ATAD2B: variants seen among roughly 807,000 people sequenced by gnomAD.
The protein encoded by ATAD2B is ATPase family AAA domain containing 2B.
A neutral mutation model predicts 167.6 loss-of-function variants in ATAD2B; 40 were observed. The ratio of observed to expected loss-of-function variants is 0.24; its 90% CI spans 0.19 to 0.31. The LOEUF (loss-of-function observed/expected upper bound fraction) is 0.31. ATAD2B is among the 10% of genes least tolerant of loss of function. The pLI is 1.00. For synonymous variants in ATAD2B, 579 were observed against 596.5 expected, an observed-to-expected ratio of 0.97 and a Z score of 0.43; for missense variants, 1,242 against 1,757.2, an observed-to-expected ratio of 0.71 and a Z score of 5.24.
chr2:23,683,308 T>A, the ATAD2B span, among the ~76,000 whole-genome samples: 3 of 152,202 alleles, frequency 2.0e-5, no homozygotes, highest in Non-Finnish European at 4.4e-5. Context: ...GAAGACAGTC[T>A]AGGTCATTCT....
the ATAD2B span, among the ~76,000 whole-genome samples, chr2:23,704,246 G>T: frequency 6.6e-6 from 1 of 152,202 alleles, no homozygotes; most frequent in Non-Finnish European, 1.5e-5. Flanking sequence ...GTGACTTCTT[G>T]GGGGAATGCT....
At position 23,832,659 on chromosome 2, in the gene ATAD2B, T is replaced by C. The variant is rs78827995; in HGVS notation, c.1728+1260A>G. 8.8e-3 allele frequency: 1,355 copies of C among 154,258 alleles called. 7 individuals carry two copies. Among genetic ancestry groups the C allele is most frequent in the Non-Finnish European group, 0.015 (1,075 of 69,488 alleles). 9.6% of individuals were successfully genotyped at this position (154,258 alleles called of 1,614,324 possible). A position where few individuals can be genotyped will look rare whatever the true frequency, so the allele number is the denominator to read the frequency against. ...TAGACAGTGCTGTTCTAAACCTTGT[T>C]TACTGTTAAACCCTTGATTTGTGTG... On this transcript the variant is annotated intron_variant, in intron 14 of 27. Transcript: ENST00000238789.
chr2:23,742,444 C>T, the ATAD2B span, among the ~76,000 whole-genome samples: 2 of 151,022 alleles, frequency 1.3e-5, no homozygotes, highest in African/African-American at 2.4e-5. Context: ...CTCAGCAAAC[C>T]ATCGCAAGGA....
chr2:23,872,545 A>ACT, intron 8 of ATAD2B: 1 of 974,850 alleles, frequency 1.0e-6, no homozygotes, highest in Non-Finnish European at 1.6e-6. Context: ...AGTCCTTCAG[A>ACT]CTCTCACAGG....
intron 10 of ATAD2B, among the ~76,000 whole-genome samples, chr2:23,867,125 T>C (rs1157896756): frequency 6.6e-6 from 1 of 152,210 alleles, no homozygotes; most frequent in East Asian, 1.9e-4. Context: ...CTTCCACTTG[T>C]AGTATACCTC....
At chr2:23,752,542 A>C (rs1294505748) in intron 27 of ATAD2B, among the ~76,000 whole-genome samples, 1 of 151,496 alleles carries the variant, frequency 6.6e-6, no homozygotes, top group Non-Finnish European at 1.5e-5. Context: ...CATAACATTG[A>C]AGATTGAACA....
chr2:23,723,022 T>G, the ATAD2B span, among the ~76,000 whole-genome samples: 1 of 152,196 alleles, frequency 6.6e-6, no homozygotes, highest in Admixed American at 6.5e-5. Flanking sequence ...CCAGGTACAG[T>G]GGCTCACATC....
chr2:23,703,390 G>A, the ATAD2B span: 1 of 1,480,546 alleles, frequency 6.8e-7, no homozygotes, highest in South Asian at 1.4e-5. Flanking sequence ...GTGAGAACCA[G>A]CGGTGTCCTC....
intron 13 of ATAD2B, among the ~76,000 whole-genome samples, chr2:23,854,036 A>C (rs577512709): frequency 4.2e-4 from 64 of 152,224 alleles, no homozygotes; most frequent in African/African-American, 1.5e-3. Context: ...ACCTGAGGTC[A>C]GAAGTTCGAG....
At chr2:23,810,258 A>G (rs1572857259) in intron 18 of ATAD2B, 58 bp downstream of exon 18, 1 of 1,453,854 alleles carries the variant, frequency 6.9e-7, no homozygotes, top group Non-Finnish European at 9.5e-7. Context: ...CACTAGAAAT[A>G]CTACCAAATT....
At chr2:23,703,676 C>A in the ATAD2B span, 1 of 1,501,680 alleles carries the variant, frequency 6.7e-7, no homozygotes, top group South Asian at 1.3e-5. Flanking sequence ...GAGGGAAGTC[C>A]AAGACAAGCT....
Position 23,752,107 on chromosome 2 carries a change from G to C in ATAD2B, c.4336-20C>G. On this transcript the variant is annotated intron_variant, in intron 27 of 27. Coordinates refer to ENST00000238789, the MANE Select transcript of ATAD2B (RefSeq NM_017552.4). ...CATCTCCTATAAAAGGAAAAAAAATGCATGTTATCTATTAAGGGAAAGACA... is the reference window on the plus strand; with the variant it reads ...CATCTCCTATAAAAGGAAAAAAAATCCATGTTATCTATTAAGGGAAAGACA... 6.6e-7 allele frequency: 1 copy of C among 1,515,336 alleles called. No homozygotes were observed. 93.9% of individuals were successfully genotyped at this position (1,515,336 alleles called of 1,614,324 possible).
chr2:23,758,195 C>A, intron 24 of ATAD2B, 94 bp from the exon 25 acceptor site: 3 of 1,054,400 alleles, frequency 2.8e-6, no homozygotes, highest in Non-Finnish European at 4.0e-6. Flanking sequence ...AGAAAGTAAA[C>A]CCATGCTGAT....
chr2:23,696,671 G>A, the ATAD2B span: 16 of 587,142 alleles, frequency 2.7e-5, no homozygotes, highest in South Asian at 4.3e-5. This position sits in a 1 kb window ranked among gnomAD's most constrained non-coding sequence, Gnocchi z 5.5. Context: ...TCACAGCACC[G>A]GGGGCAGCAG....
chr2:23,689,531 C>CCTT, the ATAD2B span: 1 of 152,352 alleles, frequency 6.6e-6, no homozygotes, highest in Admixed American at 6.5e-5. Flanking sequence ...TGCATGTGCT[C>CCTT]GCACATCCTG....
Position 23,765,633 on chromosome 2 carries a change from TA to T in ATAD2B, c.3134-6del, listed in dbSNP as rs1234672492. ...CCCTGTGCCTAATTATTTTATCTGTTAAAAAAGTTGGTATATATTTATTATA... is the reference window on the plus strand; with the variant it reads ...CCCTGTGCCTAATTATTTTATCTGTTAAAAAGTTGGTATATATTTATTATA... On this transcript the variant is annotated splice_polypyrimidine_tract_variant and splice_region_variant and intron_variant, in intron 22 of 27. Coordinates refer to ENST00000238789, the MANE Select transcript of ATAD2B (RefSeq NM_017552.4). 1.5e-6 allele frequency: 2 copies of T among 1,375,572 alleles called. No individual in the cohort carries two copies. Among genetic ancestry groups the T allele is most frequent in the Non-Finnish European group, 1.9e-6 (2 of 1,051,018 alleles). 85.2% of individuals were successfully genotyped at this position (1,375,572 alleles called of 1,614,324 possible). A position where few individuals can be genotyped will look rare whatever the true frequency, so the allele number is the denominator to read the frequency against.
intron 1 of ATAD2B, among the ~76,000 whole-genome samples, chr2:23,899,385 C>T (rs866650528): frequency 1.1e-4 from 17 of 150,968 alleles, no homozygotes; most frequent in South Asian, 2.1e-4. Context: ...CAAATATGAG[C>T]ATGTATATAA....
chr2:23,823,390 C>T lies in ATAD2B; in HGVS notation c.1999G>A (p.Ala667Thr), dbSNP rs1307346015. 6.2e-7 allele frequency: 1 copy of T among 1,613,928 alleles called. No individual in the cohort carries two copies. Among genetic ancestry groups the T allele is most frequent in the Non-Finnish European group, 8.5e-7 (1 of 1,179,870 alleles). ...AGTGCATGCCCTGAAGACATCACAGCACGTTGGGAAGCAGGCACGATATTC... is the reference window on the plus strand; with the variant it reads ...AGTGCATGCCCTGAAGACATCACAGTACGTTGGGAAGCAGGCACGATATTC... ...MQNIVPASQR[A>T]VMSSGHALSP... Residue 667 changes from alanine to threonine, a missense_variant, in exon 16 of 28, where the codon GCT becomes ACT. By Grantham distance (58) the Ala-to-Thr change is moderately conservative. Around this residue, in one of 9 missense-constraint regions of ATAD2B, gnomAD observed 145 missense variants for 181.9 expected, o/e 0.80. Transcript: ENST00000238789.
At chr2:23,833,802 G>C in intron 14 of ATAD2B, 117 bp downstream of exon 14, 2 of 801,126 alleles carry the variant, frequency 2.5e-6, no homozygotes, top group Admixed American at 3.4e-5. Context: ...CATTAGCTAA[G>C]ATATCCTTAA....
Sources: allele counts gnomAD v4.1 joint callset (sites outside exome capture counted in the v4.1 genomes callset), GRCh38; gene constraint gnomAD v4.1.1; regional missense constraint gnomAD v4.1.1; non-coding constraint Gnocchi (gnomAD v3.1); transcripts MANE v1.5; gene names NCBI Gene and HGNC (gene_info 2026-07-23, HGNC 2026-07-21).